The following IGF2BP1 variants were observed in gnomAD, a reference collection of about 807,000 sequenced individuals.
The protein encoded by IGF2BP1 is insulin like growth factor 2 mRNA binding protein 1, also known as insulin-like growth factor 2 mRNA-binding protein 1.
A neutral mutation model predicts 74.9 loss-of-function variants in IGF2BP1; 11 were observed. The observed-to-expected ratio is 0.15, with a 90% confidence interval of 0.09 to 0.24. The LOEUF (loss-of-function observed/expected upper bound fraction) is 0.24, where lower values mean the gene tolerates loss of function less well. Among genes scored for constraint, IGF2BP1 ranks in the 10% least tolerant of loss-of-function variants. IGF2BP1 has a pLI of 1.00. For missense variants in IGF2BP1, 440 were observed against 757.4 expected, an observed-to-expected ratio of 0.58 and a Z score of 4.92; for synonymous variants, 287 against 281.8, an observed-to-expected ratio of 1.02 and a Z score of -0.18.
intron 2 of IGF2BP1, among the ~76,000 whole-genome samples, chr17:49,017,572 C>G (rs2041721707): frequency 6.6e-6 from 1 of 151,982 alleles, no homozygotes; most frequent in Non-Finnish European, 1.5e-5. Flanking sequence ...TTTTAGAAAT[C>G]TAGTATTCTA....
At chr17:49,037,811 G>A (rs1015855880) in intron 5 of IGF2BP1, among the ~76,000 whole-genome samples, 1 of 152,156 alleles carries the variant, frequency 6.6e-6, no homozygotes, top group Non-Finnish European at 1.5e-5. Context: ...TTTCCAGTTG[G>A]CATGGGAGTA....
At chr17:49,037,217 ACTT>A (rs1001355288) in intron 5 of IGF2BP1, 2 of 468,906 alleles carry the variant, frequency 4.3e-6, no homozygotes, top group African/African-American at 4.2e-5. Flanking sequence ...GTTCTGAACA[ACTT>A]CAAGATTTTA....
At chr17:49,036,053 G>C (rs368119066) in intron 5 of IGF2BP1, among the ~76,000 whole-genome samples, 1 of 152,244 alleles carries the variant, frequency 6.6e-6, no homozygotes, top group African/African-American at 2.4e-5. Context: ...CACGGTGACC[G>C]CATTTCCCAG....
At chr17:49,008,896 T>TCATC (rs2041582982) in intron 2 of IGF2BP1, among the ~76,000 whole-genome samples, 1 of 152,106 alleles carries the variant, frequency 6.6e-6, no homozygotes, top group Admixed American at 6.6e-5. Context: ...AGGCATGCAT[T>TCATC]CATCCAGTTA....
rs2042153307 is a variant in IGF2BP1, at chr17:49,050,318, C to T, written c.*874C>T. The stretch of plus-strand genomic sequence containing the variant: ...GGGGCTGACCACTGTCCCTGATTCC[C>T]ATCGTTCTCAGGCGGATTTTATATT... On this transcript the variant is annotated 3_prime_UTR_variant, in exon 15 of 15. Transcript: ENST00000290341. 2.6e-5 allele frequency: 4 copies of T among 152,642 alleles called. No homozygotes were observed. The South Asian group carries it at 6.2e-4, about 24-fold the overall frequency. The allele number at this position is 152,642 out of a possible 1,614,324, so 9.5% of individuals were successfully genotyped here. A position where few individuals can be genotyped will look rare whatever the true frequency, so the allele number is the denominator to read the frequency against.
At chr17:49,016,993 T>C (rs1440338662) in intron 2 of IGF2BP1, among the ~76,000 whole-genome samples, 1 of 151,428 alleles carries the variant, frequency 6.6e-6, no homozygotes, top group Non-Finnish European at 1.5e-5. Context: ...TGGACAATTT[T>C]TTTTTTTCAC....
chr17:49,034,070 T>C (rs977419694), intron 5 of IGF2BP1, among the ~76,000 whole-genome samples: 2 of 18,464 alleles, frequency 1.1e-4, no homozygotes, highest in Admixed American at 4.4e-4. Flanking sequence ...GCGATCTTCC[T>C]ACCTCAGCCC....
At chr17:49,040,183 G>C in intron 7 of IGF2BP1, 92 bp downstream of exon 7, 1 of 1,364,374 alleles carries the variant, frequency 7.3e-7, no homozygotes, top group Middle Eastern at 1.9e-4. Context: ...AGACATATAA[G>C]AAATACAGTC....
intron 4 of IGF2BP1, among the ~76,000 whole-genome samples, chr17:49,028,542 C>T (rs957778623): frequency 2.6e-5 from 4 of 152,186 alleles, no homozygotes; most frequent in African/African-American, 9.6e-5. Flanking sequence ...CCTGGACAAA[C>T]AGTAAGATTG....
rs1047350403 is a variant in IGF2BP1 at position 49,054,325 on chromosome 17, A to G, written c.*4881A>G. 1 of 152,680 alleles carries G rather than the reference A, an allele frequency of 6.5e-6. No homozygotes were observed. The highest frequency in any genetic ancestry group is 2.1e-4 in the South Asian group (1 of 4,836). The allele number at this position is 152,680 out of a possible 1,614,324, so 9.5% of individuals were successfully genotyped here. On this transcript the variant is annotated 3_prime_UTR_variant, in exon 15 of 15. Coordinates refer to ENST00000290341, the MANE Select transcript of IGF2BP1 (RefSeq NM_006546.4). ...AAGCTCCTCGGGAGCATGTGTTTTGATTAACCGCAGGTGATGGATGCTACG... is the reference window on the plus strand; with the variant it reads ...AAGCTCCTCGGGAGCATGTGTTTTGGTTAACCGCAGGTGATGGATGCTACG...
rs541961615 is a variant in IGF2BP1 at position 49,052,356 on chromosome 17, GAA to G, written c.*2920_*2921del. 6.6e-6 allele frequency: 1 copy of G among 151,482 alleles called. No homozygotes were observed. The highest frequency in any genetic ancestry group is 1.5e-5 in the Non-Finnish European group (1 of 67,814). The allele number at this position is 151,482 out of a possible 1,614,324, so 9.4% of individuals were successfully genotyped here. On this transcript the variant is annotated 3_prime_UTR_variant, in exon 15 of 15. Transcript: ENST00000290341. ...ATCTGGTTCAGACTATCATCAGGAA[GAA>G]AAAAAAATCCCACAGTACCTGAAAT... is the stretch of plus-strand genomic sequence containing the variant.
chr17:49,014,058 C>T (rs9906944), intron 2 of IGF2BP1: 53,727 of 151,648 alleles, frequency 0.35, 10,114 homozygotes, highest in African/African-American at 0.45. Context: ...GGGGAGGGGG[C>T]GACCGTGGGC....
chr17:49,042,514 T>C, intron 9 of IGF2BP1, 137 bp downstream of exon 9: 1 of 868,532 alleles, frequency 1.2e-6, no homozygotes, highest in African/African-American at 1.7e-5. Context: ...ACTTCGACTA[T>C]CAGAAATAGT....
intron 2 of IGF2BP1, among the ~76,000 whole-genome samples, chr17:49,016,834 C>T (rs1347321162): frequency 2.1e-5 from 3 of 146,314 alleles, no homozygotes; most frequent in Non-Finnish European, 4.5e-5. Flanking sequence ...CGCCTGTCCT[C>T]CCGCCTGTCT....
At chr17:49,036,071 A>G (rs573274275) in intron 5 of IGF2BP1, among the ~76,000 whole-genome samples, 37 of 152,080 alleles carry the variant, frequency 2.4e-4, no homozygotes, top group Non-Finnish European at 4.7e-4. Context: ...CAGCTGGGCC[A>G]ACTGGTGCGG....
intron 1 of IGF2BP1, 24 bp from the exon 2 acceptor site, chr17:48,999,085 T>G: frequency 1.5e-6 from 2 of 1,375,324 alleles, no homozygotes; most frequent in African/African-American, 1.4e-5. Flanking sequence ...GCTCTCATGG[T>G]AATTTTTTTT....
At chr17:49,025,780 G>T in intron 3 of IGF2BP1, 114 bp downstream of exon 3, 1 of 777,752 alleles carries the variant, frequency 1.3e-6, no homozygotes, top group Non-Finnish European at 2.1e-6. Context: ...AGGCTAGGGA[G>T]GCCTGGGTCT....
chr17:49,022,536 C>G (rs972693060), intron 2 of IGF2BP1, among the ~76,000 whole-genome samples: 3 of 151,930 alleles, frequency 2.0e-5, no homozygotes, highest in Non-Finnish European at 2.9e-5. Context: ...TGGGTGAGTC[C>G]CTGCTGGTTG....
rs1179564447 is a variant in IGF2BP1 at position 49,054,118 on chromosome 17, A to G, written c.*4674A>G. On this transcript the variant is annotated 3_prime_UTR_variant, in exon 15 of 15. Coordinates refer to ENST00000290341, the MANE Select transcript of IGF2BP1 (RefSeq NM_006546.4). ...ATACATAAGGCTTCTCTATCGGGGT[A>G]CGGGACAGGGAGGAGGCCTCATGTC... The G allele has an allele frequency of 6.5e-6, 1 of 152,698 alleles. No individual in the cohort carries two copies. The highest frequency in any genetic ancestry group is 1.5e-5 in the Non-Finnish European group (1 of 68,074). 9.5% of individuals were successfully genotyped at this position (152,698 alleles called of 1,614,324 possible).
Sources: allele counts gnomAD v4.1 joint callset (sites outside exome capture counted in the v4.1 genomes callset), GRCh38; gene constraint gnomAD v4.1.1; transcripts MANE v1.5; gene names NCBI Gene and HGNC (gene_info 2026-07-23, HGNC 2026-07-21).